Variants in PXDNL observed in about 807,000 individuals in gnomAD.
PXDNL encodes the protein peroxidasin like, also known as probable oxidoreductase PXDNL.
In PXDNL, 145 loss-of-function variants were observed where a neutral mutation model predicts 150.8. That is an observed-to-expected ratio of 0.96 (90% CI 0.84 to 1.10). The LOEUF (loss-of-function observed/expected upper bound fraction) is 1.10. PXDNL is among the 50% of genes least tolerant of loss of function. The pLI is 0.00. For synonymous variants in PXDNL, 757 were observed against 725.7 expected, an observed-to-expected ratio of 1.04 and a Z score of -0.69; for missense variants, 2,087 against 1,873.9, an observed-to-expected ratio of 1.11 and a Z score of -2.10.
At chr8:51,404,561 TC>T (rs1808380001) in intron 17 of PXDNL, among the ~76,000 whole-genome samples, 1 of 151,894 alleles carries the variant, frequency 6.6e-6, no homozygotes, top group East Asian at 1.9e-4. Flanking sequence ...ATAAAGGTTC[TC>T]CAAGTCCCCA....
chr8:51,428,293 T>C (rs956034892), intron 12 of PXDNL, among the ~76,000 whole-genome samples: 1 of 143,658 alleles, frequency 7.0e-6, no homozygotes, highest in Admixed American at 7.3e-5. Context: ...TCTTTACAAA[T>C]TGATATACAG....
intron 12 of PXDNL, among the ~76,000 whole-genome samples, chr8:51,441,003 C>G (rs1187800914): frequency 6.6e-6 from 1 of 152,184 alleles, no homozygotes; most frequent in Non-Finnish European, 1.5e-5. Flanking sequence ...TGGTTTGGTT[C>G]TGTGTCCCCA....
At chr8:51,496,080 C>A (rs1290664666) in intron 5 of PXDNL, among the ~76,000 whole-genome samples, 2 of 152,156 alleles carry the variant, frequency 1.3e-5, no homozygotes, top group Non-Finnish European at 2.9e-5. Flanking sequence ...AGCTTATCCA[C>A]CATGATCAAG....
chr8:51,483,795 G>T, intron 5 of PXDNL, 81 bp from the exon 6 acceptor site: 1 of 781,618 alleles, frequency 1.3e-6, no homozygotes, highest in Non-Finnish European at 2.1e-6. Flanking sequence ...ACCTAACTGT[G>T]AATCCAATAC....
At chr8:51,738,049 A>G (rs1817074377) in intron 1 of PXDNL, among the ~76,000 whole-genome samples, 1 of 152,192 alleles carries the variant, frequency 6.6e-6, no homozygotes, top group African/African-American at 2.4e-5. Flanking sequence ...CAGAGTTCAC[A>G]TTGAGTATTG....
chr8:51,659,061 G>T (rs916069042), intron 1 of PXDNL, among the ~76,000 whole-genome samples: 1 of 152,068 alleles, frequency 6.6e-6, no homozygotes, highest in African/African-American at 2.4e-5. Flanking sequence ...TATAAAATTT[G>T]TCATTCATAT....
At chr8:51,561,449 A>G (rs2130559233) in intron 3 of PXDNL, among the ~76,000 whole-genome samples, 1 of 152,052 alleles carries the variant, frequency 6.6e-6, no homozygotes, top group Admixed American at 6.6e-5. Context: ...AGGCAGGAGG[A>G]TCACTTGAGC....
intron 3 of PXDNL, among the ~76,000 whole-genome samples, chr8:51,589,602 G>A (rs1419973032): frequency 1.2e-4 from 19 of 152,176 alleles, no homozygotes; most frequent in Admixed American, 1.2e-3. Flanking sequence ...TTACACAGTT[G>A]CAAAGAACTT....
At position 51,457,653 on chromosome 8, in the gene PXDNL, A is replaced by C; in HGVS notation, c.827T>G (p.Leu276Trp). ...IWIHNNHSLD[L>W]EDDTRLNVFD... ...CACATTAAGTCGAGTATCATCTTCC[A>C]AATCCAATGAGTGGCTGGAAATATA... The change falls in exon 9 of 23, where the codon TTG becomes TGG. Residue 276 changes from leucine (L) to tryptophan (W), a missense_variant. Coordinates refer to ENST00000356297, the MANE Select transcript of PXDNL (RefSeq NM_144651.5). 1 of 1,613,062 alleles carries C rather than the reference A, an allele frequency of 6.2e-7. No individual in the cohort carries two copies. Among genetic ancestry groups the C allele is most frequent in the Non-Finnish European group, 8.5e-7 (1 of 1,179,422 alleles).
chr8:51,794,245 G>A (rs2129258176), intron 1 of PXDNL, among the ~76,000 whole-genome samples: 1 of 152,228 alleles, frequency 6.6e-6, no homozygotes, highest in Non-Finnish European at 1.5e-5. Flanking sequence ...CATACTTCAG[G>A]ATATCATTCA....
At chr8:51,783,876 A>G (rs1260026680) in intron 1 of PXDNL, among the ~76,000 whole-genome samples, 1 of 152,194 alleles carries the variant, frequency 6.6e-6, no homozygotes, top group Non-Finnish European at 1.5e-5. Flanking sequence ...GGAACTAAAC[A>G]TTTCAAGTCA....
intron 7 of PXDNL, among the ~76,000 whole-genome samples, chr8:51,473,274 A>AACACAC (rs1164131411): frequency 0.1 from 13,877 of 133,922 alleles, 1,179 homozygotes; most frequent in African/African-American, 0.23. Context: ...GTAGAAAATA[A>AACACAC]ACACACACAC....
intron 2 of PXDNL, among the ~76,000 whole-genome samples, chr8:51,651,362 A>G (rs1815032401): frequency 6.6e-6 from 1 of 152,218 alleles, no homozygotes; most frequent in South Asian, 2.1e-4. Context: ...AGCAATTATC[A>G]TGCCCTTCTT....
At chr8:51,684,845 A>C (rs1340162715) in intron 1 of PXDNL, among the ~76,000 whole-genome samples, 1 of 152,136 alleles carries the variant, frequency 6.6e-6, no homozygotes, top group Non-Finnish European at 1.5e-5. Context: ...AGGAAACAGG[A>C]CCTCAGCCCT....
intron 12 of PXDNL, among the ~76,000 whole-genome samples, chr8:51,438,206 G>A (rs1428848636): frequency 6.6e-6 from 1 of 152,074 alleles, no homozygotes; most frequent in African/African-American, 2.4e-5. Context: ...CTCATGAATG[G>A]GGAGAATCAA....
chr8:51,352,825 A>T, intron 19 of PXDNL, among the ~76,000 whole-genome samples: 1 of 152,240 alleles, frequency 6.6e-6, no homozygotes, highest in East Asian at 1.9e-4. Context: ...ACTTGAGGCC[A>T]TTATCCTAAG....
intron 21 of PXDNL, among the ~76,000 whole-genome samples, chr8:51,327,353 C>T (rs995090605): frequency 7.2e-5 from 11 of 152,216 alleles, no homozygotes; most frequent in Non-Finnish European, 1.5e-4. Context: ...AAGTTATCTT[C>T]TTCAGTGATG....
At chr8:51,434,791 C>A (rs1251296233) in intron 12 of PXDNL, among the ~76,000 whole-genome samples, 1 of 152,130 alleles carries the variant, frequency 6.6e-6, no homozygotes, top group African/African-American at 2.4e-5. Flanking sequence ...AGAATTATGA[C>A]AGAATGTAAC....
At chr8:51,803,508 C>A (rs975865801) in intron 1 of PXDNL, among the ~76,000 whole-genome samples, 1 of 152,168 alleles carries the variant, frequency 6.6e-6, no homozygotes, top group African/African-American at 2.4e-5. Context: ...CGAGCTCTGA[C>A]AGATGTGGCC....
Sources: allele counts gnomAD v4.1 joint callset (sites outside exome capture counted in the v4.1 genomes callset), GRCh38; gene constraint gnomAD v4.1.1; transcripts MANE v1.5; gene names NCBI Gene and HGNC (gene_info 2026-07-23, HGNC 2026-07-21).